ACOT7: variants seen among roughly 807,000 people sequenced by gnomAD.
The protein encoded by ACOT7 is acyl-CoA thioesterase 7.
ACOT7 carries 12 observed loss-of-function variants against 40.2 expected under a neutral mutation model. That is an observed-to-expected ratio of 0.30 (90% CI 0.19 to 0.48). ACOT7 has a LOEUF of 0.48. Among genes scored for constraint, ACOT7 ranks in the 20% least tolerant of loss-of-function variants. The pLI, the probability that ACOT7 is intolerant of heterozygous loss-of-function variation, is 0.99. For synonymous variants in ACOT7, 228 were observed against 219.5 expected (o/e 1.04, Z -0.34); for missense variants, 395 against 530.8 (o/e 0.74, Z 2.51).
intron 8 of ACOT7, among the ~76,000 whole-genome samples, chr1:6,269,862 G>GT (rs1319615319): frequency 1.3e-5 from 2 of 152,254 alleles, no homozygotes; most frequent in Non-Finnish European, 2.9e-5. Flanking sequence ...ACTGCGTGGA[G>GT]TGCCCGCCCA....
chr1:6,318,555 G>T lies in ACOT7; in HGVS notation c.649C>A (p.Gln217Lys). 2 of 1,614,162 alleles carry T rather than the reference G, an allele frequency of 1.2e-6. No individual in the cohort carries two copies. Among genetic ancestry groups the T allele is most frequent in the Non-Finnish European group, 1.7e-6 (2 of 1,180,002 alleles). The change falls in exon 6 of 9, where the codon CAG (glutamine) becomes AAG (lysine). Residue 217 changes from glutamine (Q) to lysine (K), a missense_variant. By Grantham distance (53) the Gln-to-Lys change is moderately conservative. Coordinates refer to ENST00000361521, the MANE Select transcript of ACOT7 (RefSeq NM_007274.4). Reference sequence around the variant, plus strand: ...CCCACCAGGTGGATCAAGCTGGACTGGCTGTAGCTGACAGTGTTCGGCTCT... The same window carrying T: ...CCCACCAGGTGGATCAAGCTGGACTTGCTGTAGCTGACAGTGTTCGGCTCT... ...NPEPNTVSYSQSSLIHLVGPS... is the reference protein window; with the variant it reads ...NPEPNTVSYSKSSLIHLVGPS...
rs1640926906 is a variant in ACOT7, at chr1:6,330,528, A to G, written c.510+2949T>C. 6.6e-6 allele frequency among the ~76,000 whole-genome samples: 1 copy of G among 152,178 alleles called. No individual in the cohort carries two copies. The highest frequency in any genetic ancestry group is 6.5e-5 in the Admixed American group (1 of 15,284). On this transcript the variant is annotated intron_variant, in intron 4 of 8. Coordinates refer to ENST00000361521, the MANE Select transcript of ACOT7 (RefSeq NM_007274.4). This position sits in a 1 kb window ranked among gnomAD's most constrained non-coding sequence, Gnocchi z 4.6. ...CTCGGAGCCATGGAATGGTTTCAAC[A>G]ACTCCTCGACAAGGCCAAGTTGGTA...
intron 8 of ACOT7, among the ~76,000 whole-genome samples, chr1:6,280,100 G>A (rs957803045): frequency 6.6e-6 from 1 of 152,224 alleles, no homozygotes; most frequent in Non-Finnish European, 1.5e-5. Context: ...GGTCAGCCTC[G>A]CAGGGCCGTG....
intron 7 of ACOT7, among the ~76,000 whole-genome samples, chr1:6,285,629 G>A (rs912569555): frequency 3.3e-5 from 5 of 152,372 alleles, no homozygotes; most frequent in Non-Finnish European, 4.4e-5. Context: ...ATGTGGAGGC[G>A]GGTGAGGCTG....
At position 6,278,496 on chromosome 1, in the gene ACOT7, G is replaced by A. The variant is rs567066716; in HGVS notation, c.1014+2606C>T. On this transcript the variant is annotated intron_variant, in intron 8 of 8. Transcript: ENST00000361521. This position sits in a 1 kb window ranked among gnomAD's most constrained non-coding sequence, Gnocchi z 4.1. ...GTGGGCATGGGGGGAGTAGGGAGGAGCCAGCTGGGTTCCCAGACTTCCAGA... is the reference window on the plus strand; with the variant it reads ...GTGGGCATGGGGGGAGTAGGGAGGAACCAGCTGGGTTCCCAGACTTCCAGA... 6.6e-6 allele frequency among the ~76,000 whole-genome samples: 1 copy of A among 152,276 alleles called. No individual in the cohort carries two copies. Among genetic ancestry groups the A allele is most frequent in the South Asian group, 2.1e-4 (1 of 4,816 alleles).
At chr1:6,325,612 T>C (rs1249761212) in intron 5 of ACOT7, among the ~76,000 whole-genome samples, 1 of 152,142 alleles carries the variant, frequency 6.6e-6, no homozygotes, top group African/African-American at 2.4e-5. Flanking sequence ...CCAGTCCGCT[T>C]TTGGCAAGTT....
intron 1 of ACOT7, among the ~76,000 whole-genome samples, chr1:6,368,175 A>T (rs1642055803): frequency 6.6e-6 from 1 of 152,008 alleles, no homozygotes; most frequent in South Asian, 2.1e-4. Context: ...CCCAGTTTGA[A>T]GGTGAGGCTT....
rs961923309 is a variant in ACOT7 at position 6,355,592 on chromosome 1, C to T, written c.144-5726G>A. On this transcript the variant is annotated intron_variant, in intron 1 of 8. Transcript: ENST00000361521. This position sits in a 1 kb window ranked among gnomAD's most constrained non-coding sequence, Gnocchi z 5.0. ...TGACAAACCAGAGGCCTCCATGGCCCCCAGAGGAAGAAACTAGCTACTGGG... is the reference window on the plus strand; with the variant it reads ...TGACAAACCAGAGGCCTCCATGGCCTCCAGAGGAAGAAACTAGCTACTGGG... Among the ~76,000 whole-genome samples, 4 of 152,182 alleles carry T rather than the reference C, an allele frequency of 2.6e-5. No homozygotes were observed. Among genetic ancestry groups the T allele is most frequent in the Admixed American group, 1.3e-4 (2 of 15,284 alleles).
At chr1:6,387,839 A>G (rs1642463831) in intron 1 of ACOT7, among the ~76,000 whole-genome samples, 1 of 152,176 alleles carries the variant, frequency 6.6e-6, no homozygotes, top group Non-Finnish European at 1.5e-5. Context: ...CAGGGTCCAC[A>G]CATCCCAGCA....
intron 1 of ACOT7, among the ~76,000 whole-genome samples, chr1:6,375,498 A>G (rs1351064022): frequency 2.0e-5 from 3 of 151,474 alleles, no homozygotes; most frequent in African/African-American, 4.9e-5. Flanking sequence ...AGAAACCCCA[A>G]AAATTAGCTG....
intron 6 of ACOT7, among the ~76,000 whole-genome samples, chr1:6,312,190 C>T (rs1029913392): frequency 6.6e-6 from 1 of 152,140 alleles, no homozygotes; most frequent in Non-Finnish European, 1.5e-5. Context: ...CAAAGCTAAC[C>T]ACAGGATGGG....
chr1:6,288,753 G>A lies in ACOT7; in HGVS notation c.829+6111C>T, dbSNP rs541742141. ...GTGGCAGTGGCCTCCATGGCCGCGG[G>A]TGAGGCCTCTCCCAGCCACGACAAG... On this transcript the variant is annotated intron_variant, in intron 7 of 8. Coordinates refer to ENST00000361521, the MANE Select transcript of ACOT7 (RefSeq NM_007274.4). This position sits in a 1 kb window ranked among gnomAD's most constrained non-coding sequence, Gnocchi z 4.3. Among the ~76,000 whole-genome samples, 1 of 152,230 alleles carries A rather than the reference G, an allele frequency of 6.6e-6. No homozygotes were observed. Among genetic ancestry groups the A allele is most frequent in the African/African-American group, 2.4e-5 (1 of 41,458 alleles).
intron 1 of ACOT7, among the ~76,000 whole-genome samples, chr1:6,363,748 A>G (rs1641941864): frequency 1.3e-5 from 2 of 152,008 alleles, no homozygotes; most frequent in Non-Finnish European, 2.9e-5. Context: ...TGTATCCAAT[A>G]AATAACAGCA....
rs1309346755 is a variant in ACOT7 at position 6,275,298 on chromosome 1, C to A, written c.1014+5804G>T. Among the ~76,000 whole-genome samples the A allele has an allele frequency of 6.6e-6, 1 of 152,186 alleles. No homozygotes were observed. Among genetic ancestry groups the A allele is most frequent in the Admixed American group, 6.5e-5 (1 of 15,284 alleles). ...CCCCGGCCTGGTAGGGCTCCCTCAA[C>A]CTGAAGGAGCCCAAGGGTCTCAGGG... On this transcript the variant is annotated intron_variant, in intron 8 of 8. Transcript: ENST00000361521. The surrounding 1 kb of genome is among the most constrained non-coding windows in gnomAD (Gnocchi z 5.6).
intron 2 of ACOT7, among the ~76,000 whole-genome samples, chr1:6,340,638 T>C (rs968913119): frequency 6.6e-6 from 1 of 152,242 alleles, no homozygotes. Context: ...TTTAGTCTAA[T>C]ATAGCTGTGC....
chr1:6,391,747 C>T (rs934100404), intron 1 of ACOT7, among the ~76,000 whole-genome samples: 1 of 152,116 alleles, frequency 6.6e-6, no homozygotes, highest in African/African-American at 2.4e-5. Context: ...TACTCAACTC[C>T]CAAAACTGCC....
At chr1:6,309,264 C>T (rs1467619780) in intron 6 of ACOT7, among the ~76,000 whole-genome samples, 4 of 152,140 alleles carry the variant, frequency 2.6e-5, no homozygotes, top group East Asian at 1.9e-4. Context: ...GACGGGACAG[C>T]GGAACAAGCT....
intron 4 of ACOT7, among the ~76,000 whole-genome samples, chr1:6,327,867 G>A (rs1305716044): frequency 1.3e-5 from 2 of 152,056 alleles, no homozygotes; most frequent in East Asian, 3.9e-4. Flanking sequence ...TCTGCCTCCC[G>A]GGTTCAAGTG....
At position 6,359,933 on chromosome 1, in the gene ACOT7, CGGCCCTTATCAA is replaced by C. The variant is rs371423911; in HGVS notation, c.144-10079_144-10068del. 3.3e-5 allele frequency among the ~76,000 whole-genome samples: 5 copies of C among 152,330 alleles called. No homozygotes were observed. The highest frequency in any genetic ancestry group is 1.2e-4 in the African/African-American group (5 of 41,578). Reference sequence around the variant, plus strand: ...ATTAGGCCACTCCCACTGGAACAGCCGGCCCTTATCAAGGCCCTTATCAAACTGCCAGAGCCT... The same window carrying C: ...ATTAGGCCACTCCCACTGGAACAGCCGGCCCTTATCAAACTGCCAGAGCCT... On this transcript the variant is annotated intron_variant, in intron 1 of 8. Coordinates refer to ENST00000361521, the MANE Select transcript of ACOT7 (RefSeq NM_007274.4). This position sits in a 1 kb window ranked among gnomAD's most constrained non-coding sequence, Gnocchi z 4.1.
Sources: gnomAD v4.1 joint callset for allele counts (sites outside exome capture counted in the v4.1 genomes callset) on GRCh38, gnomAD v4.1.1 for gene constraint, Gnocchi (gnomAD v3.1) non-coding constraint, MANE v1.5 for transcripts, NCBI Gene and HGNC (gene_info 2026-07-23, HGNC 2026-07-21) for gene names.